Variants in LHFPL3 observed in about 807,000 individuals in gnomAD.
LHFPL3 encodes the protein LHFPL tetraspan subfamily member 3, also known as LHFPL tetraspan subfamily member 3 protein.
LHFPL3 carries 5 observed loss-of-function variants against 19.3 expected under a neutral mutation model. That is an observed-to-expected ratio of 0.26 (90% confidence interval 0.14 to 0.54). The LOEUF is 0.54. Ranked by LOEUF, LHFPL3 falls within the 20% of genes least tolerant of loss-of-function variation. The pLI, the probability that LHFPL3 is intolerant of heterozygous loss-of-function variation, is 0.94. For missense variants in LHFPL3, 249 were observed against 307.4 expected (o/e 0.81, Z 1.42); for synonymous variants, 133 against 126.2 (o/e 1.05, Z -0.36).
At chr7:104,692,464 G>A (rs1792922440) in intron 1 of LHFPL3, among the ~76,000 whole-genome samples, 1 of 152,240 alleles carries the variant, frequency 6.6e-6, no homozygotes, top group Admixed American at 6.5e-5. Flanking sequence ...CTGGGCCCAG[G>A]GTCTTGCTGC....
intron 2 of LHFPL3, among the ~76,000 whole-genome samples, chr7:104,778,274 G>A (rs964217987): frequency 6.6e-6 from 1 of 152,166 alleles, no homozygotes; most frequent in African/African-American, 2.4e-5. Flanking sequence ...CATTCCTGCT[G>A]TGCGGGAGCT....
chr7:104,643,657 GAAAT>G (rs1791877543), intron 1 of LHFPL3, among the ~76,000 whole-genome samples: 2 of 152,138 alleles, frequency 1.3e-5, no homozygotes, highest in Non-Finnish European at 2.9e-5. Context: ...CACCCCAAAG[GAAAT>G]AAATTATTTG....
At chr7:104,728,342 A>G (rs1464725978) in intron 1 of LHFPL3, among the ~76,000 whole-genome samples, 2 of 152,174 alleles carry the variant, frequency 1.3e-5, no homozygotes, top group Non-Finnish European at 1.5e-5. Flanking sequence ...TGGCCCTGAT[A>G]GTCACAGAAC....
chr7:104,889,163 A>G (rs1408172003), intron 2 of LHFPL3, among the ~76,000 whole-genome samples: 2 of 152,236 alleles, frequency 1.3e-5, no homozygotes, highest in African/African-American at 4.8e-5. Context: ...TAAAATTGAT[A>G]AATGCATAAT....
intron 2 of LHFPL3, among the ~76,000 whole-genome samples, chr7:104,746,957 A>T (rs1794057428): frequency 6.6e-6 from 1 of 152,136 alleles, no homozygotes; most frequent in Admixed American, 6.5e-5. Flanking sequence ...CCTCATGAAG[A>T]TCTGGAGATT....
chr7:104,394,541 T>A (rs1791143967), intron 1 of LHFPL3, among the ~76,000 whole-genome samples: 1 of 152,244 alleles, frequency 6.6e-6, no homozygotes, highest in African/African-American at 2.4e-5. Context: ...GTGGTAGTTT[T>A]CTTGCCTACA....
At chr7:104,576,118 G>A (rs1438581930) in intron 1 of LHFPL3, among the ~76,000 whole-genome samples, 1 of 151,826 alleles carries the variant, frequency 6.6e-6, no homozygotes, top group African/African-American at 2.4e-5. Context: ...AAACCCTGGG[G>A]GAAAATTCAC....
intron 1 of LHFPL3, among the ~76,000 whole-genome samples, chr7:104,532,424 G>A (rs183449256): frequency 1.4e-5 from 2 of 140,582 alleles, no homozygotes; most frequent in Non-Finnish European, 3.0e-5. Flanking sequence ...GCTTCCCAAA[G>A]TGTTGGGGTT....
chr7:104,586,405 A>G (rs1482896478), intron 1 of LHFPL3, among the ~76,000 whole-genome samples: 1 of 152,042 alleles, frequency 6.6e-6, no homozygotes, highest in African/African-American at 2.4e-5. Context: ...CTGTGTGCAC[A>G]ACTTTTATTT....
intron 2 of LHFPL3, among the ~76,000 whole-genome samples, chr7:104,858,463 T>C (rs902550413): frequency 1.2e-4 from 18 of 152,166 alleles, no homozygotes; most frequent in African/African-American, 4.3e-4. Context: ...TCTACATACA[T>C]ACCTCTAGCC....
chr7:104,712,182 T>C (rs1793310811), intron 1 of LHFPL3, among the ~76,000 whole-genome samples: 1 of 152,202 alleles, frequency 6.6e-6, no homozygotes, highest in South Asian at 2.1e-4. Context: ...AGAGAGATGA[T>C]ATGTGAAAAG....
intron 1 of LHFPL3, among the ~76,000 whole-genome samples, chr7:104,656,457 C>A (rs796431570): frequency 1.3e-5 from 2 of 152,324 alleles, no homozygotes; most frequent in African/African-American, 4.8e-5. Flanking sequence ...TTCCTGCTCA[C>A]AGCCCCTGCT....
At chr7:104,669,782 A>G (rs1262562820) in intron 1 of LHFPL3, among the ~76,000 whole-genome samples, 1 of 152,190 alleles carries the variant, frequency 6.6e-6, no homozygotes, top group Non-Finnish European at 1.5e-5. Flanking sequence ...TTGCCAATAC[A>G]GCCAGAGAGA....
chr7:104,687,124 C>A (rs1792821226), intron 1 of LHFPL3, among the ~76,000 whole-genome samples: 1 of 152,340 alleles, frequency 6.6e-6, no homozygotes, highest in South Asian at 2.1e-4. Flanking sequence ...GTTCCCAAAA[C>A]CCCTCCTCAG....
In LHFPL3 at chr7:104,562,004, A is replaced by G. The variant is rs1486987579; in HGVS notation, c.446-174671A>G. ...ATTCTTTTCTTTAAGAATGTTGACT[A>G]TTGGCCCCCACTCTCTTCTGGCTTG... On this transcript the variant is annotated intron_variant, in intron 1 of 2. Transcript: ENST00000424859. Among the ~76,000 whole-genome samples, 3 of 152,066 alleles carry G rather than the reference A, an allele frequency of 2.0e-5. No homozygotes were observed. In the East Asian group the frequency reaches 5.8e-4, roughly 29 times the overall value.
chr7:104,848,178 T>C (rs1791347886), intron 2 of LHFPL3, among the ~76,000 whole-genome samples: 1 of 152,174 alleles, frequency 6.6e-6, no homozygotes, highest in Non-Finnish European at 1.5e-5. Flanking sequence ...GGAAGGGTTG[T>C]ACAAGAGGAC....
At position 104,328,764 on chromosome 7, in the gene LHFPL3, G is replaced by C. The variant is rs1316056188; in HGVS notation, c.-16G>C. On this transcript the variant is annotated 5_prime_UTR_variant, in exon 1 of 3. Transcript: ENST00000424859. The surrounding 1 kb of genome is among the most constrained non-coding windows in gnomAD (Gnocchi z 4.6). ...GGAGGACCAGGAGGAGGAGGAGGAG[G>C]AGGAGGAGGGGGAGAATGCCCGGAG... 1 of 1,559,648 alleles carries C rather than the reference G, an allele frequency of 6.4e-7. No homozygotes were observed. Among genetic ancestry groups the C allele is most frequent in the Admixed American group, 1.9e-5 (1 of 53,198 alleles).
intron 2 of LHFPL3, among the ~76,000 whole-genome samples, chr7:104,820,901 T>G (rs1475648282): frequency 6.6e-6 from 1 of 152,106 alleles, no homozygotes; most frequent in Non-Finnish European, 1.5e-5. Flanking sequence ...CTGACATCAA[T>G]TTCAAGCTTT....
chr7:104,866,483 C>A (rs1486497501), intron 2 of LHFPL3, among the ~76,000 whole-genome samples: 1 of 152,122 alleles, frequency 6.6e-6, no homozygotes, highest in Non-Finnish European at 1.5e-5. Flanking sequence ...CAAAGAAGGC[C>A]ATTACATAAT....
Sources: allele counts gnomAD v4.1 joint callset (sites outside exome capture counted in the v4.1 genomes callset), GRCh38; gene constraint gnomAD v4.1.1; non-coding constraint Gnocchi (gnomAD v3.1); transcripts MANE v1.5; gene names NCBI Gene and HGNC (gene_info 2026-07-23, HGNC 2026-07-21).